Variants in PGAP2 observed in about 807,000 individuals in gnomAD.
The protein encoded by PGAP2 is post-GPI attachment to proteins 2.
PGAP2 carries 21 observed loss-of-function variants against 33.2 expected under a neutral mutation model. The ratio of observed to expected loss-of-function variants is 0.63; its 90% CI spans 0.45 to 0.91. The LOEUF is 0.91. Ranked by LOEUF, PGAP2 falls within the 40% of genes least tolerant of loss-of-function variation. The pLI, the probability that PGAP2 is intolerant of heterozygous loss-of-function variation, is 0.00. For synonymous variants in PGAP2, 161 were observed against 172.9 expected, an observed-to-expected ratio of 0.93 and a Z score of 0.54; for missense variants, 345 against 424.0, an observed-to-expected ratio of 0.81 and a Z score of 1.64.
chr11:3,813,012 C>T (rs2085935795), intron 2 of PGAP2, among the ~76,000 whole-genome samples: 1 of 152,172 alleles, frequency 6.6e-6, no homozygotes, highest in Non-Finnish European at 1.5e-5. Flanking sequence ...GTTACGCTAG[C>T]CACTCCTGAT....
At chr11:3,822,520 G>T (rs1347034875) in intron 3 of PGAP2, among the ~76,000 whole-genome samples, 2 of 152,040 alleles carry the variant, frequency 1.3e-5, no homozygotes, top group African/African-American at 4.8e-5. Flanking sequence ...AAATTAGCCT[G>T]CTACTCAGGA....
rs1319984199 is a variant in PGAP2, at chr11:3,811,225, T to C, written c.-10-25T>C. ...GTGCCAGCCTGGCTGCCTGGGGCCC[T>C]GACAGCATGCCACTCCATCCCCAGG... On this transcript the variant is annotated intron_variant, in intron 1 of 6. Coordinates refer to ENST00000278243, the MANE Select transcript of PGAP2 (RefSeq NM_014489.4). This position sits in a 1 kb window ranked among gnomAD's most constrained non-coding sequence, Gnocchi z 4.6. 1 of 1,596,768 alleles carries C rather than the reference T, an allele frequency of 6.3e-7. No individual in the cohort carries two copies. The highest frequency in any genetic ancestry group is 8.5e-7 in the Non-Finnish European group (1 of 1,170,194).
intron 5 of PGAP2, 26 bp from the exon 6 acceptor site, chr11:3,824,992 CAG>C (rs773712292): frequency 1.5e-5 from 25 of 1,613,838 alleles, no homozygotes; most frequent in South Asian, 4.4e-5. Context: ...CAGCAAGCTG[CAG>C]AGTGATCAGA....
Position 3,824,271 on chromosome 11 carries a change from C to T in PGAP2, c.603C>T (p.Thr201=), listed in dbSNP as rs893722856. ...LTYVSSSEDF[T]IHENAFIVFI... ...GCTCCCAATCCTCTTTCCCTCCAGC[C>T]ATCCACGAAAATGCTTTCATTGTGT... The change falls in exon 5 of 7, where the codon ACC becomes ACT. Residue 201 remains threonine, a splice_region_variant and synonymous_variant. Transcript: ENST00000278243. The T allele has an allele frequency of 6.2e-7, 1 of 1,614,090 alleles. No homozygotes were observed. The highest frequency in any genetic ancestry group is 1.3e-5 in the African/African-American group (1 of 74,934).
upstream of PGAP2, chr11:3,808,432 G>C: frequency 1.3e-6 from 2 of 1,539,736 alleles, no homozygotes; most frequent in Non-Finnish European, 1.8e-6. Context: ...AGCATGGTTT[G>C]AGGACACGCC....
At chr11:3,820,531 G>C (rs2088307523) in intron 3 of PGAP2, among the ~76,000 whole-genome samples, 1 of 152,100 alleles carries the variant, frequency 6.6e-6, no homozygotes, top group South Asian at 2.1e-4. Flanking sequence ...TAGAGGCCAG[G>C]CGTCTGTAAT....
Position 3,823,916 on chromosome 11 carries a change from A to G in PGAP2, c.382A>G (p.Ile128Val). Residue 128 changes from isoleucine to valine, a missense_variant, in exon 4 of 7, where the codon ATC becomes GTC. Transcript: ENST00000278243. ...PNYLPSVSSA[I>V]GGEVPQRYVW... is the part of the protein sequence containing the mutation. ...TTACCTGCCCTCGGTGAGCTCAGCC[A>G]TCGGCGGGGAGGTGCCCCAGCGCTA... 1 of 1,601,950 alleles carries G rather than the reference A, an allele frequency of 6.2e-7. No homozygotes were observed. Among genetic ancestry groups the G allele is most frequent in the Non-Finnish European group, 8.5e-7 (1 of 1,179,684 alleles).
intron 3 of PGAP2, among the ~76,000 whole-genome samples, chr11:3,820,781 C>G (rs965526063): frequency 6.6e-6 from 1 of 152,164 alleles, no homozygotes; most frequent in African/African-American, 2.4e-5. Context: ...CAAGATTATG[C>G]CACTGTACTC....
chr11:3,807,404 T>C (rs1437494854), upstream of PGAP2, among the ~76,000 whole-genome samples: 2 of 144,664 alleles, frequency 1.4e-5, no homozygotes, highest in African/African-American at 2.5e-5. Flanking sequence ...GCCTCCCGGG[T>C]TCAAGCGATT....
At chr11:3,809,940 C>T (rs150889502) in intron 1 of PGAP2, among the ~76,000 whole-genome samples, 4 of 152,274 alleles carry the variant, frequency 2.6e-5, no homozygotes, top group African/African-American at 9.6e-5. Context: ...GAGGGTGGGA[C>T]TAAAGGGAGA....
Position 3,822,170 on chromosome 11 carries a change from CT to C in PGAP2, c.349-1712del, listed in dbSNP as rs1023854586. On this transcript the variant is annotated intron_variant, in intron 3 of 6. Transcript: ENST00000278243. ...ACGAGGTCAGGAGATTGAGACCATC[CT>C]GGCTAACACGGTGAAACCCCGTCTC... Among the ~76,000 whole-genome samples, 110 of 151,748 alleles carry C rather than the reference CT, an allele frequency of 7.2e-4. 1 individual carries two copies. Among genetic ancestry groups the C allele is most frequent in the African/African-American group, 2.7e-3 (110 of 41,364 alleles).
At chr11:3,807,930 G>T (rs1263355602), upstream of PGAP2, 4 of 568,952 alleles carry the variant, frequency 7.0e-6, no homozygotes, top group East Asian at 2.5e-4. Context: ...AGCTGGTTTT[G>T]GGGGATCAAT....
chr11:3,808,706 G>A, intron 1 of PGAP2, 55 bp downstream of exon 1: 2 of 1,024,262 alleles, frequency 2.0e-6, no homozygotes, highest in Non-Finnish European at 2.4e-6. Flanking sequence ...CGGGAGCTTG[G>A]CCGCGCGGTC....
At chr11:3,799,025 G>C (rs2083059548) in intron 1 of PGAP2, among the ~76,000 whole-genome samples, 1 of 152,252 alleles carries the variant, frequency 6.6e-6, no homozygotes, top group African/African-American at 2.4e-5. Flanking sequence ...TTCACAGCGA[G>C]TTGAGCTAAT....
Position 3,823,820 on chromosome 11 carries a change from G to T in PGAP2, c.349-63G>T, listed in dbSNP as rs867252588. 4 of 1,596,988 alleles carry T rather than the reference G, an allele frequency of 2.5e-6. No homozygotes were observed. In the Middle Eastern group the frequency reaches 6.6e-4, roughly 264 times the overall value. On this transcript the variant is annotated intron_variant, in intron 3 of 6. Transcript: ENST00000278243. ...CAAGAGTGATTTTGTCAGATGGAGA[G>T]AAGGTTCTCCACATGGGCGGGGCTG...
At chr11:3,812,621 GAGAAGA>G (rs2085834506) in intron 2 of PGAP2, among the ~76,000 whole-genome samples, 1 of 152,188 alleles carries the variant, frequency 6.6e-6, no homozygotes, top group Non-Finnish European at 1.5e-5. Context: ...GCTTTAGGTG[GAGAAGA>G]GGCAGATTCT....
At position 3,824,090 on chromosome 11, in the gene PGAP2, C is replaced by T; in HGVS notation, c.556C>T (p.Leu186Phe). 3 of 1,614,210 alleles carry T rather than the reference C, an allele frequency of 1.9e-6. No homozygotes were observed. Among genetic ancestry groups the T allele is most frequent in the Non-Finnish European group, 2.5e-6 (3 of 1,180,046 alleles). ...LNFGLNVVEN[L>F]ALLVLTYVSS... ...CTTCGGCCTCAATGTCGTGGAGAACCTCGCGTTGCTAGTGCTCACTTATGT... is the reference window on the plus strand; with the variant it reads ...CTTCGGCCTCAATGTCGTGGAGAACTTCGCGTTGCTAGTGCTCACTTATGT... The change falls in exon 4 of 7, where the codon CTC becomes TTC. Residue 186 changes from leucine (L) to phenylalanine (F), a missense_variant. Leu to Phe is a conservative substitution (Grantham distance 22). Coordinates refer to ENST00000278243, the MANE Select transcript of PGAP2 (RefSeq NM_014489.4).
rs544741456 is a variant in PGAP2, at chr11:3,824,283, T to A, written c.615T>A (p.Asn205Lys). The change falls in exon 5 of 7, where the codon AAT (asparagine) becomes AAA (lysine). Residue 205 changes from asparagine (N) to lysine (K), a missense_variant. This residue lies in a region of PGAP2 where 311 missense variants were observed against 353.6 expected (regional missense o/e 0.88). Transcript: ENST00000278243. The stretch of plus-strand genomic sequence containing the variant: ...CTTTCCCTCCAGCCATCCACGAAAA[T>A]GCTTTCATTGTGTTCATTGCCTCAT... The part of the protein sequence containing the change: ...SSSEDFTIHE[N>K]AFIVFIASSL... 156 of 1,614,170 alleles carry A rather than the reference T, an allele frequency of 9.7e-5. 2 individuals are homozygous for A. The South Asian group carries it at 1.5e-3, about 15-fold the overall frequency.
At chr11:3,798,181 C>T (rs1348102466) in intron 1 of PGAP2, 21 of 1,337,542 alleles carry the variant, frequency 1.6e-5, no homozygotes, top group Non-Finnish European at 2.0e-5. Context: ...CCATGCTCGC[C>T]CCAGCACTTT....
Sources: allele counts gnomAD v4.1 joint callset (sites outside exome capture counted in the v4.1 genomes callset), GRCh38; gene constraint gnomAD v4.1.1; regional missense constraint gnomAD v4.1.1; non-coding constraint Gnocchi (gnomAD v3.1); transcripts MANE v1.5; gene names NCBI Gene and HGNC (gene_info 2026-07-23, HGNC 2026-07-21).